Variants in ERGIC1 observed in about 807,000 individuals in gnomAD.
ERGIC1 encodes the protein endoplasmic reticulum-Golgi intermediate compartment protein 1.
In ERGIC1, 19 loss-of-function variants were observed where a neutral mutation model predicts 38.3. The ratio of observed to expected loss-of-function variants is 0.50; its 90% CI spans 0.35 to 0.73. ERGIC1 has a LOEUF of 0.73. Ranked by LOEUF, ERGIC1 falls within the 30% of genes least tolerant of loss-of-function variation. The pLI, the probability that ERGIC1 is intolerant of heterozygous loss-of-function variation, is 0.01. For missense variants in ERGIC1, 294 were observed against 389.2 expected (o/e 0.76, Z 2.06); for synonymous variants, 124 against 157.6 (o/e 0.79, Z 1.60).
intron 4 of ERGIC1, among the ~76,000 whole-genome samples, chr5:172,912,717 TAGAAG>T (rs1481359471): frequency 1.3e-5 from 2 of 152,032 alleles, no homozygotes; most frequent in African/African-American, 2.4e-5. Flanking sequence ...AAAAGGCACT[TAGAAG>T]AGAGTCTAGC....
intron 4 of ERGIC1, among the ~76,000 whole-genome samples, chr5:172,910,536 T>G (rs2113384721): frequency 2.0e-5 from 2 of 102,024 alleles, no homozygotes; most frequent in East Asian, 4.7e-4. Context: ...TTTTTTTTTT[T>G]TTTTTGAGAC....
intron 9 of ERGIC1, among the ~76,000 whole-genome samples, chr5:172,940,644 G>A (rs906440447): frequency 6.6e-6 from 1 of 152,128 alleles, no homozygotes; most frequent in Non-Finnish European, 1.5e-5. Flanking sequence ...ACCGGATGGC[G>A]ATGACACCCT....
chr5:172,928,701 G>A (rs1347068239), intron 7 of ERGIC1, among the ~76,000 whole-genome samples: 3 of 152,168 alleles, frequency 2.0e-5, no homozygotes, highest in African/African-American at 4.8e-5. Context: ...AGGCCTGGAG[G>A]CCACTATGGA....
At chr5:172,906,468 C>T (rs1763027024) in intron 3 of ERGIC1, among the ~76,000 whole-genome samples, 1 of 152,126 alleles carries the variant, frequency 6.6e-6, no homozygotes, top group African/African-American at 2.4e-5. Flanking sequence ...GAGTGGAGGC[C>T]CATCTGTTGC....
rs1249559802 is a variant in ERGIC1, at chr5:172,932,540, C to T, written c.642+4C>T. 8.7e-6 allele frequency: 14 copies of T among 1,613,672 alleles called. No individual in the cohort carries two copies. The highest frequency in any genetic ancestry group is 9.3e-6 in the Non-Finnish European group (11 of 1,179,818). ...CCAGTACACGGTGGCCAACAAGGTG[C>T]GCGGGCGGTGGCTGGGCCGAGCTGT... On this transcript the variant is annotated splice_donor_region_variant and intron_variant, in intron 8 of 9. Coordinates refer to ENST00000393784, the MANE Select transcript of ERGIC1 (RefSeq NM_001031711.3).
intron 1 of ERGIC1, among the ~76,000 whole-genome samples, chr5:172,867,934 C>G (rs1450923597): frequency 6.6e-6 from 1 of 152,172 alleles, no homozygotes; most frequent in Non-Finnish European, 1.5e-5. Context: ...CCCCATTTTA[C>G]TGATGAGTAA....
intron 2 of ERGIC1, among the ~76,000 whole-genome samples, 195 bp from the exon 3 acceptor site, chr5:172,896,807 A>T (rs1762733905): frequency 6.6e-6 from 1 of 152,200 alleles, no homozygotes; most frequent in African/African-American, 2.4e-5. Context: ...CCACACCTGG[A>T]GGCCAGACCA....
intron 1 of ERGIC1, among the ~76,000 whole-genome samples, chr5:172,881,411 C>G (rs569276116): frequency 1.3e-5 from 2 of 152,292 alleles, no homozygotes; most frequent in Admixed American, 1.3e-4. Context: ...CAGATCCATT[C>G]ATGGACTCAG....
At chr5:172,920,950 G>A (rs766790131) in intron 5 of ERGIC1, among the ~76,000 whole-genome samples, 4 of 152,150 alleles carry the variant, frequency 2.6e-5, no homozygotes, top group Admixed American at 2.0e-4. Context: ...TATTTTTATC[G>A]GTGAAAATGA....
chr5:172,842,216 T>C (rs1215688184), intron 1 of ERGIC1, among the ~76,000 whole-genome samples: 1 of 152,218 alleles, frequency 6.6e-6, no homozygotes, highest in African/African-American at 2.4e-5. Context: ...GCTAATTTTG[T>C]ATTTTTAGTG....
At chr5:172,888,467 AAAAG>A (rs1348141117) in intron 1 of ERGIC1, among the ~76,000 whole-genome samples, 1 of 152,108 alleles carries the variant, frequency 6.6e-6, no homozygotes, top group Non-Finnish European at 1.5e-5. Flanking sequence ...TTAAAAAAAA[AAAAG>A]AAATGTTATG....
intron 1 of ERGIC1, among the ~76,000 whole-genome samples, chr5:172,883,234 T>C (rs749971006): frequency 2.0e-5 from 3 of 152,186 alleles, no homozygotes; most frequent in African/African-American, 4.8e-5. Flanking sequence ...TACCCAAGCA[T>C]CCCCAGATGT....
At chr5:172,863,905 ACT>A (rs1761783709) in intron 1 of ERGIC1, among the ~76,000 whole-genome samples, 1 of 152,086 alleles carries the variant, frequency 6.6e-6, no homozygotes, top group South Asian at 2.1e-4. Flanking sequence ...ATACATGAAA[ACT>A]CAACATGGCC....
At chr5:172,862,094 C>T (rs949961946) in intron 1 of ERGIC1, among the ~76,000 whole-genome samples, 6 of 151,332 alleles carry the variant, frequency 4.0e-5, no homozygotes, top group African/African-American at 1.2e-4. Flanking sequence ...CGGGTTCAAG[C>T]GATTCTCCTG....
intron 1 of ERGIC1, among the ~76,000 whole-genome samples, chr5:172,851,477 C>T (rs994618193): frequency 4.6e-5 from 7 of 152,188 alleles, no homozygotes; most frequent in Admixed American, 1.3e-4. Context: ...CCACTGCACT[C>T]CAGCCTGGGT....
At chr5:172,929,103 C>A (rs1033846288) in intron 7 of ERGIC1, among the ~76,000 whole-genome samples, 12 of 151,822 alleles carry the variant, frequency 7.9e-5, no homozygotes, top group Admixed American at 6.6e-5. Context: ...GGAATGAAAC[C>A]AGCTTGTCAT....
chr5:172,893,893 A>G (rs111430068), intron 2 of ERGIC1, among the ~76,000 whole-genome samples: 380 of 19,732 alleles, frequency 0.019, 12 homozygotes, highest in Non-Finnish European at 0.03. Context: ...ATATATATAT[A>G]TATATATATA....
At chr5:172,923,486 C>T (rs1469725167) in intron 5 of ERGIC1, among the ~76,000 whole-genome samples, 1 of 152,188 alleles carries the variant, frequency 6.6e-6, no homozygotes, top group Non-Finnish European at 1.5e-5. Flanking sequence ...GCACCTCTTG[C>T]TGGCTTGGCT....
chr5:172,905,507 T>G (rs1305363565), intron 3 of ERGIC1: 1 of 455,736 alleles, frequency 2.2e-6, no homozygotes, highest in Non-Finnish European at 4.5e-6. Flanking sequence ...AAGCCGTGGG[T>G]CACGGAAGAG....
Sources: gnomAD v4.1 joint callset for allele counts (sites outside exome capture counted in the v4.1 genomes callset) on GRCh38, gnomAD v4.1.1 for gene constraint, MANE v1.5 for transcripts, NCBI Gene and HGNC (gene_info 2026-07-23, HGNC 2026-07-21) for gene names.